The following HTT variants were observed in gnomAD, a reference collection of about 807,000 sequenced individuals.
The protein encoded by HTT is huntington disease protein.
In HTT, 104 loss-of-function variants were observed where a neutral mutation model predicts 362.3. That is an observed-to-expected ratio of 0.29 (90% confidence interval 0.24 to 0.34). The LOEUF (loss-of-function observed/expected upper bound fraction) is 0.34. Ranked by LOEUF, HTT falls within the 10% of genes least tolerant of loss-of-function variation. The pLI is 1.00. For synonymous variants in HTT, 1,577 were observed against 1,548.7 expected (o/e 1.02, Z -0.43); for missense variants, 3,301 against 3,928.6 (o/e 0.84, Z 4.27).
At position 3,196,738 on chromosome 4, in the gene HTT, G is replaced by GA. The variant is rs140945233; in HGVS notation, c.5369-2979dup. Among the ~76,000 whole-genome samples the GA allele has an allele frequency of 2.5e-3, 335 of 133,480 alleles. 1 individual carries two copies. The highest frequency in any genetic ancestry group is 5.0e-3 in the South Asian group (21 of 4,196). 87.6% of individuals were successfully genotyped at this position (133,480 alleles called of 152,430 possible). A position where few individuals can be genotyped will look rare whatever the true frequency, so the allele number is the denominator to read the frequency against. Reference sequence around the variant, plus strand: ...GGTCAAACAGAGTGAGACCCTGTCTGAAAAAAAAAAAAAAATCCATTGCAT... The same window carrying GA: ...GGTCAAACAGAGTGAGACCCTGTCTGAAAAAAAAAAAAAAAATCCATTGCAT... On this transcript the variant is annotated intron_variant, in intron 40 of 66. Transcript: ENST00000355072.
At position 3,181,895 on chromosome 4, in the gene HTT, A is replaced by G. The variant is rs1424327914; in HGVS notation, c.4750-459A>G. 2.0e-5 allele frequency among the ~76,000 whole-genome samples: 3 copies of G among 152,258 alleles called. No homozygotes were observed. In the East Asian group the frequency reaches 5.8e-4, roughly 29 times the overall value. The stretch of plus-strand genomic sequence containing the variant: ...AATAAACTTGTGCTCAACCATGTAT[A>G]CCTCTGGGAAGCAGGTGCTCTTCAG... On this transcript the variant is annotated intron_variant, in intron 36 of 66. Transcript: ENST00000355072.
intron 2 of HTT, among the ~76,000 whole-genome samples, chr4:3,095,142 C>T (rs1044427027): frequency 1.3e-5 from 2 of 152,322 alleles, no homozygotes; most frequent in African/African-American, 2.4e-5. Context: ...GGGCAGAGGC[C>T]GCAATCTTGG....
At chr4:3,128,522 A>C (rs1715629661) in intron 12 of HTT, 2 of 152,188 alleles carry the variant, frequency 1.3e-5, no homozygotes, top group African/African-American at 4.8e-5. Flanking sequence ...AAAAATCCTT[A>C]AGGAGCCTAT....
At chr4:3,131,503 A>G in intron 15 of HTT, 106 bp downstream of exon 15, 2 of 1,466,176 alleles carry the variant, frequency 1.4e-6, no homozygotes, top group East Asian at 4.5e-5. Context: ...GTAGAATCTG[A>G]GGATGAGTTT....
chr4:3,114,233 G>C (rs546960818), intron 6 of HTT, among the ~76,000 whole-genome samples: 1 of 152,218 alleles, frequency 6.6e-6, no homozygotes, highest in African/African-American at 2.4e-5. Context: ...GCCTTTAAGC[G>C]GTTTTCCACC....
chr4:3,230,452 G>A (rs1296208006), intron 60 of HTT, among the ~76,000 whole-genome samples: 1 of 152,196 alleles, frequency 6.6e-6, no homozygotes, highest in Non-Finnish European at 1.5e-5. Context: ...GGCCCCCCGA[G>A]CTTCCTGGCT....
intron 38 of HTT, 76 bp downstream of exon 38, chr4:3,186,795 A>ATGTC: frequency 7.5e-7 from 1 of 1,326,072 alleles, no homozygotes; most frequent in Non-Finnish European, 1.1e-6. Context: ...CACCCCCAGA[A>ATGTC]TGTCTGAGTC....
At chr4:3,118,334 A>G (rs1360014979) in intron 8 of HTT, among the ~76,000 whole-genome samples, 1 of 152,218 alleles carries the variant, frequency 6.6e-6, no homozygotes, top group Non-Finnish European at 1.5e-5. Context: ...AAAAGTTTAG[A>G]GATCATTGGT....
At position 3,212,570 on chromosome 4, in the gene HTT, C is replaced by G; in HGVS notation, c.6635C>G (p.Ala2212Gly). ...CGAGGTCCTTCTGTTTCAGGGGATG[C>G]TGCACTGTATCAGTCCCTGCCCACT... Reference protein sequence around the residue: ...WSKLNDLFGDAALYQSLPTLA... With the variant: ...WSKLNDLFGDGALYQSLPTLA... The change falls in exon 49 of 67, where the codon GCT becomes GGT. Residue 2212 changes from alanine (A) to glycine (G), a missense_variant. Transcript: ENST00000355072. The G allele has an allele frequency of 1.1e-5, 17 of 1,614,204 alleles. No individual in the cohort carries two copies. Among genetic ancestry groups the G allele is most frequent in the Non-Finnish European group, 1.3e-5 (15 of 1,180,008 alleles).
intron 5 of HTT, among the ~76,000 whole-genome samples, chr4:3,106,211 C>T (rs942332010): frequency 4.6e-5 from 7 of 152,094 alleles, no homozygotes; most frequent in African/African-American, 1.7e-4. Flanking sequence ...CAAAACTTAG[C>T]CAGGCATGGT....
At chr4:3,192,576 A>T (rs1719059775) in intron 40 of HTT, among the ~76,000 whole-genome samples, 2 of 152,158 alleles carry the variant, frequency 1.3e-5, no homozygotes, top group South Asian at 4.1e-4. Context: ...CATTCCATTG[A>T]TGAGGAGGTG....
At chr4:3,182,937 C>T (rs945777740) in intron 37 of HTT, among the ~76,000 whole-genome samples, 3 of 152,250 alleles carry the variant, frequency 2.0e-5, no homozygotes, top group Non-Finnish European at 2.9e-5. Flanking sequence ...GGCTAGAGTG[C>T]AGTCGTGTAA....
chr4:3,162,480 G>A (rs1276743510), intron 29 of HTT, among the ~76,000 whole-genome samples: 1 of 152,144 alleles, frequency 6.6e-6, no homozygotes, highest in African/African-American at 2.4e-5. Flanking sequence ...ATAGCTTGAT[G>A]GGGGGATAGC....
Position 3,103,805 on chromosome 4 carries a change from C to T in HTT, c.469-19C>T, listed in dbSNP as rs1173726367. On this transcript the variant is annotated intron_variant, in intron 3 of 66. Coordinates refer to ENST00000355072, the MANE Select transcript of HTT (RefSeq NM_001388492.1). ...GTGATGGGATGTGTCTTCCATAAAT[C>T]TCTTGTGATTTGTTGTAGGCTTTGA... The T allele has an allele frequency of 1.3e-6, 2 of 1,532,544 alleles. No individual in the cohort carries two copies. The highest frequency in any genetic ancestry group is 1.4e-5 in the African/African-American group (1 of 73,244). The allele number at this position is 1,532,544 out of a possible 1,614,324, so 94.9% of individuals were successfully genotyped here.
intron 21 of HTT, among the ~76,000 whole-genome samples, chr4:3,136,843 T>C (rs544343547): frequency 6.6e-6 from 1 of 152,302 alleles, no homozygotes; most frequent in South Asian, 2.1e-4. Context: ...AATTACTTAT[T>C]ATACATAAAT....
At position 3,132,744 on chromosome 4, in the gene HTT, G is replaced by A. The variant is rs11939994; in HGVS notation, c.2395+24G>A. ...AGGTAACGGCCAGTTTTTCAGCTGTGTTTTTTCTAGTTATGCTTACTAAGG... is the reference window on the plus strand; with the variant it reads ...AGGTAACGGCCAGTTTTTCAGCTGTATTTTTTCTAGTTATGCTTACTAAGG... On this transcript the variant is annotated intron_variant, in intron 17 of 66. Transcript: ENST00000355072. 4,682 of 1,613,884 alleles carry A rather than the reference G, an allele frequency of 2.9e-3. 112 individuals are homozygous for A. The African/African-American group carries it at 0.054, about 19-fold the overall frequency.
intron 38 of HTT, 117 bp downstream of exon 38, chr4:3,186,836 TG>T: frequency 5.7e-6 from 4 of 697,498 alleles, no homozygotes; most frequent in Non-Finnish European, 8.5e-6. Context: ...CTTGAGAGTT[TG>T]CTTTTTTTTT....
intron 26 of HTT, among the ~76,000 whole-genome samples, chr4:3,151,740 A>G (rs1406754915): frequency 6.6e-6 from 1 of 152,158 alleles, no homozygotes; most frequent in Non-Finnish European, 1.5e-5. Flanking sequence ...ATTGTCTTCC[A>G]CAGAACCGGT....
Position 3,212,615 on chromosome 4 carries a change from A to G in HTT, c.6680A>G (p.Gln2227Arg), listed in dbSNP as rs1425737299. 30 of 1,614,108 alleles carry G rather than the reference A, an allele frequency of 1.9e-5. No homozygotes were observed. The highest frequency in any genetic ancestry group is 2.5e-5 in the Non-Finnish European group (30 of 1,180,044). The change falls in exon 49 of 67, where the codon CAG becomes CGG. Residue 2227 changes from glutamine to arginine, a missense_variant. By Grantham distance (43) the Gln-to-Arg change is conservative. Around this residue, in one of 4 missense-constraint regions of HTT, gnomAD observed 220 missense variants for 218.5 expected, o/e 1.01. Transcript: ENST00000355072. ...CCCACTCTGGCCCGGGCCCTGGCAC[A>G]GTACCTGGTGGTGGTCTCCAAACTG... is the stretch of plus-strand genomic sequence containing the variant. ...SLPTLARALAQYLVVVSKLPS... is the reference protein window; with the variant it reads ...SLPTLARALARYLVVVSKLPS...
Sources: allele counts gnomAD v4.1 joint callset (sites outside exome capture counted in the v4.1 genomes callset), GRCh38; gene constraint gnomAD v4.1.1; regional missense constraint gnomAD v4.1.1; transcripts MANE v1.5; gene names NCBI Gene and HGNC (gene_info 2026-07-23, HGNC 2026-07-21).